The following DGKI variants were observed in gnomAD, a reference collection of about 807,000 sequenced individuals.
DGKI encodes diacylglycerol kinase iota, also known as DAG kinase iota.
A neutral mutation model predicts 147.5 loss-of-function variants in DGKI; 55 were observed. That is an observed-to-expected ratio of 0.37 (90% CI 0.30 to 0.47). The LOEUF (loss-of-function observed/expected upper bound fraction) is 0.47. Ranked by LOEUF, DGKI falls within the 20% of genes least tolerant of loss-of-function variation. The pLI is 1.00. For synonymous variants in DGKI, 469 were observed against 477.1 expected, an observed-to-expected ratio of 0.98 and a Z score of 0.22; for missense variants, 1,007 against 1,323.8, an observed-to-expected ratio of 0.76 and a Z score of 3.71.
chr7:137,692,010 A>G (rs569128711), intron 1 of DGKI, among the ~76,000 whole-genome samples: 1 of 152,200 alleles, frequency 6.6e-6, no homozygotes, highest in East Asian at 1.9e-4. Context: ...TGATGACACA[A>G]TATTCTCGTT....
rs576694317 is a variant in DGKI, at chr7:137,679,472, AAATTAT to A, written c.511-826_511-821del. Among the ~76,000 whole-genome samples, 301 of 151,728 alleles carry A rather than the reference AAATTAT, an allele frequency of 2.0e-3. 3 individuals are homozygous for A. The highest frequency in any genetic ancestry group is 7.0e-3 in the African/African-American group (291 of 41,408). Reference sequence around the variant, plus strand: ...TCCTTCTTATGGGACTCTATCTTGGAAATTATAGATTTATATATTAATTGTATATTT... The same window carrying A: ...TCCTTCTTATGGGACTCTATCTTGGAAGATTTATATATTAATTGTATATTT... On this transcript the variant is annotated intron_variant, in intron 2 of 32. Coordinates refer to ENST00000614521, the MANE Select transcript of DGKI (RefSeq NM_001321708.2).
chr7:137,843,680 C>T (rs563388629), intron 1 of DGKI, among the ~76,000 whole-genome samples: 19 of 151,678 alleles, frequency 1.3e-4, no homozygotes, highest in African/African-American at 4.1e-4. Flanking sequence ...ACTGCATATG[C>T]CCACCCACTC....
chr7:137,542,144 G>A (rs1169472840), intron 20 of DGKI, among the ~76,000 whole-genome samples: 1 of 152,124 alleles, frequency 6.6e-6, no homozygotes, highest in Non-Finnish European at 1.5e-5. Flanking sequence ...TGGAGCAACT[G>A]GAATGATCAT....
intron 27 of DGKI, chr7:137,452,985 C>T (rs1585128669): frequency 6.6e-6 from 1 of 152,262 alleles, no homozygotes; most frequent in Admixed American, 6.5e-5. Context: ...CTCTGTTACA[C>T]TCCTACGTAG....
intron 1 of DGKI, among the ~76,000 whole-genome samples, chr7:137,719,414 C>G (rs1043698046): frequency 6.6e-6 from 1 of 152,002 alleles, no homozygotes; most frequent in Non-Finnish European, 1.5e-5. Flanking sequence ...TCCACGTCCC[C>G]CTGGAACACA....
intron 1 of DGKI, among the ~76,000 whole-genome samples, chr7:137,723,651 C>G (rs950610035): frequency 2.1e-5 from 3 of 144,770 alleles, no homozygotes; most frequent in African/African-American, 7.6e-5. Context: ...AGAACAAGAT[C>G]AAGAGTAGGG....
Position 137,525,103 on chromosome 7 carries a change from A to AACAGACCATAAAAC in DGKI, c.2148-3138_2148-3137insGTTTTATGGTCTGT, listed in dbSNP as rs3051938. ...TTCCAGGGGGCACACCATGGCATAA[A>AACAGACCATAAAAC]AGACACTATTATTTGAATCAAACTT... On this transcript the variant is annotated intron_variant, in intron 20 of 32. Coordinates refer to ENST00000614521, the MANE Select transcript of DGKI (RefSeq NM_001321708.2). 9.2e-5 allele frequency among the ~76,000 whole-genome samples: 14 copies of AACAGACCATAAAAC among 152,000 alleles called. No homozygotes were observed. The South Asian group carries it at 2.9e-3, about 32-fold the overall frequency.
At chr7:137,745,833 T>C (rs1191836165) in intron 1 of DGKI, among the ~76,000 whole-genome samples, 2 of 152,194 alleles carry the variant, frequency 1.3e-5, no homozygotes, top group Admixed American at 6.5e-5. Context: ...ACCAATTTCA[T>C]TGGTGAAAAC....
In DGKI at chr7:137,447,022, T is replaced by C. The variant is rs556263117; in HGVS notation, c.2736-2920A>G. ...GTGTAAACTATTACTAGCATTCTTATAGCTGTCCTCTTCACTTCTTTCCTG... is the reference window on the plus strand; with the variant it reads ...GTGTAAACTATTACTAGCATTCTTACAGCTGTCCTCTTCACTTCTTTCCTG... On this transcript the variant is annotated intron_variant, in intron 27 of 32. Transcript: ENST00000614521. Among the ~76,000 whole-genome samples, 15 of 152,360 alleles carry C rather than the reference T, an allele frequency of 9.8e-5. No individual in the cohort carries two copies. In the South Asian group the frequency reaches 1.2e-3, roughly 13 times the overall value.
chr7:137,638,464 G>GTATATATA lies in DGKI; in HGVS notation c.804+7007_804+7008insTATATATA, dbSNP rs1299412339. ...TATATACACACACACATATATATGT[G>GTATATATA]TGTATATATGTGTGTATATATATAC... On this transcript the variant is annotated intron_variant, in intron 6 of 32. Coordinates refer to ENST00000614521, the MANE Select transcript of DGKI (RefSeq NM_001321708.2). 4.7e-3 allele frequency among the ~76,000 whole-genome samples: 439 copies of GTATATATA among 92,842 alleles called. 59 individuals are homozygous for GTATATATA. The highest frequency in any genetic ancestry group is 0.023 in the African/African-American group (357 of 15,650). The allele number at this position is 92,842 out of a possible 152,430, so 60.9% of individuals were successfully genotyped here.
chr7:137,526,566 G>T (rs1488599739), intron 20 of DGKI, among the ~76,000 whole-genome samples: 1 of 152,090 alleles, frequency 6.6e-6, no homozygotes, highest in Non-Finnish European at 1.5e-5. Context: ...ACTCAGATGG[G>T]TTTCCAGTAA....
intron 20 of DGKI, among the ~76,000 whole-genome samples, chr7:137,540,765 A>ATC (rs1817668323): frequency 2.1e-5 from 2 of 95,846 alleles, no homozygotes; most frequent in African/African-American, 2.0e-4. Flanking sequence ...ACCCCCCCAA[A>ATC]AAAAAAAAAA....
chr7:137,474,501 G>A (rs1385604688), intron 23 of DGKI, among the ~76,000 whole-genome samples: 1 of 152,206 alleles, frequency 6.6e-6, no homozygotes, highest in African/African-American at 2.4e-5. Flanking sequence ...GAGGTGAAGA[G>A]CAGGCTAGGG....
chr7:137,846,765 G>GGGCT lies in DGKI; in HGVS notation c.94_97dup (p.Pro33GlnfsTer140), dbSNP rs1798752722. ...GGCGGCGCCGCTGCAGGGGCCGGGC[G>GGGCT]GGCTGGCGGCGGCGGCGGCGGCGGC... On this transcript the variant is annotated frameshift_variant, in exon 1 of 33. Coordinates refer to ENST00000614521, the MANE Select transcript of DGKI (RefSeq NM_001321708.2). LOFTEE classifies it high-confidence loss of function. This position sits in a 1 kb window ranked among gnomAD's most constrained non-coding sequence, Gnocchi z 4.0. The GGGCT allele has an allele frequency of 2.9e-6, 3 of 1,042,456 alleles. No individual in the cohort carries two copies. The highest frequency in any genetic ancestry group is 3.5e-6 in the Non-Finnish European group (3 of 869,064). 64.6% of individuals were successfully genotyped at this position (1,042,456 alleles called of 1,614,324 possible). A position where few individuals can be genotyped will look rare whatever the true frequency, so the allele number is the denominator to read the frequency against.
intron 21 of DGKI, among the ~76,000 whole-genome samples, chr7:137,519,793 G>A (rs2128951669): frequency 6.6e-6 from 1 of 152,182 alleles, no homozygotes; most frequent in Non-Finnish European, 1.5e-5. Context: ...ACCACAGTTA[G>A]AAGCACCATC....
intron 19 of DGKI, among the ~76,000 whole-genome samples, chr7:137,568,920 G>GA (rs144657060): frequency 0.08 from 11,466 of 144,038 alleles, 505 homozygotes; most frequent in South Asian, 0.14. Flanking sequence ...ACAATTGTTA[G>GA]AAAAAAAAAA....
intron 12 of DGKI, among the ~76,000 whole-genome samples, chr7:137,593,237 G>C (rs985670441): frequency 6.6e-6 from 1 of 152,186 alleles, no homozygotes; most frequent in Non-Finnish European, 1.5e-5. Context: ...CAGATAGATA[G>C]GGACCATGGG....
intron 19 of DGKI, among the ~76,000 whole-genome samples, chr7:137,564,427 A>T (rs1818514486): frequency 6.6e-6 from 1 of 152,168 alleles, no homozygotes; most frequent in Non-Finnish European, 1.5e-5. Context: ...CTAAAAACAC[A>T]AAAAGGAAAA....
At chr7:137,402,346 A>G (rs1236469353) in intron 30 of DGKI, among the ~76,000 whole-genome samples, 2 of 152,232 alleles carry the variant, frequency 1.3e-5, no homozygotes, top group African/African-American at 4.8e-5. Context: ...TAAGGGAAAG[A>G]AAATTCTGTT....
Sources: allele counts gnomAD v4.1 joint callset (sites outside exome capture counted in the v4.1 genomes callset), GRCh38; gene constraint gnomAD v4.1.1; non-coding constraint Gnocchi (gnomAD v3.1); transcripts MANE v1.5; gene names NCBI Gene and HGNC (gene_info 2026-07-23, HGNC 2026-07-21).